ERICH3: variants seen among roughly 807,000 people sequenced by gnomAD.
ERICH3 encodes glutamate-rich protein 3.
In ERICH3, 126 loss-of-function variants were observed where a neutral mutation model predicts 131.1. The ratio of observed to expected loss-of-function variants is 0.96; its 90% CI spans 0.83 to 1.11. The LOEUF (loss-of-function observed/expected upper bound fraction) is 1.11. Ranked by LOEUF, ERICH3 falls within the 50% of genes most tolerant of loss-of-function variation. The probability of loss-of-function intolerance (pLI) is 0.00; values close to 1 mark genes in which losing one functional copy is unlikely to be tolerated. For synonymous variants in ERICH3, 695 were observed against 644.6 expected (o/e 1.08, Z -1.18); for missense variants, 2,050 against 1,810.7 (o/e 1.13, Z -2.40).
In ERICH3 at chr1:74,572,842, T is replaced by C. The variant is rs1646981146; in HGVS notation, c.2868A>G (p.Thr956=). Residue 956 remains threonine, a synonymous_variant, in exon 14 of 15, where the codon ACA becomes ACG. Coordinates refer to ENST00000326665, the MANE Select transcript of ERICH3 (RefSeq NM_001002912.5). ...EEEASIDLED[T]GPMEDTASKR... ...TTGATGCTGTGTCCTCCATGGGTCC[T>C]GTGTCCTCTAGGTCTATGGATGCTT... 1.9e-6 allele frequency: 3 copies of C among 1,613,784 alleles called. No homozygotes were observed. Among genetic ancestry groups the C allele is most frequent in the Non-Finnish European group, 2.5e-6 (3 of 1,180,028 alleles).
chr1:74,610,482 C>G (rs1008750767), intron 9 of ERICH3, among the ~76,000 whole-genome samples: 2 of 150,586 alleles, frequency 1.3e-5, no homozygotes, highest in Non-Finnish European at 3.0e-5. Flanking sequence ...TCCTACATCT[C>G]ATCTTCTCCA....
chr1:74,637,136 C>G (rs146770523), intron 5 of ERICH3, among the ~76,000 whole-genome samples: 2 of 152,164 alleles, frequency 1.3e-5, no homozygotes, highest in Non-Finnish European at 2.9e-5. Context: ...TCACTCCTTT[C>G]GGGACTACAC....
chr1:74,618,147 G>T (rs530157973), intron 8 of ERICH3, among the ~76,000 whole-genome samples: 1 of 152,162 alleles, frequency 6.6e-6, no homozygotes, highest in Non-Finnish European at 1.5e-5. Context: ...GGGTGAGAGA[G>T]AGACTGTCTC....
chr1:74,673,730 T>G lies in ERICH3; in HGVS notation c.-211A>C. On this transcript the variant is annotated 5_prime_UTR_variant, in exon 1 of 15. Coordinates refer to ENST00000326665, the MANE Select transcript of ERICH3 (RefSeq NM_001002912.5). ...CCCACCCTCCGTTGGTATCCACAGC[T>G]TCCCTGTTGCTAAGGGAGGAGAGAG... 2.3e-6 allele frequency: 1 copy of G among 428,134 alleles called. No individual in the cohort carries two copies. The highest frequency in any genetic ancestry group is 4.5e-5 in the Admixed American group (1 of 22,004). The allele number at this position is 428,134 out of a possible 1,614,324, so 26.5% of individuals were successfully genotyped here. A position where few individuals can be genotyped will look rare whatever the true frequency, so the allele number is the denominator to read the frequency against.
intron 10 of ERICH3, among the ~76,000 whole-genome samples, chr1:74,604,546 T>G (rs1236405166): frequency 6.6e-6 from 1 of 151,926 alleles, no homozygotes; most frequent in Non-Finnish European, 1.5e-5. Flanking sequence ...GAATAAGATC[T>G]AAAATTACTC....
chr1:74,638,649 T>G (rs1263046287), intron 5 of ERICH3, among the ~76,000 whole-genome samples: 1 of 152,214 alleles, frequency 6.6e-6, no homozygotes, highest in Non-Finnish European at 1.5e-5. Context: ...AAAGATGACA[T>G]TTCCCAGCAT....
chr1:74,644,659 C>T (rs139124416), intron 3 of ERICH3, among the ~76,000 whole-genome samples: 1 of 152,186 alleles, frequency 6.6e-6, no homozygotes, highest in African/African-American at 2.4e-5. Flanking sequence ...TCTCCCACTT[C>T]AGCTTCTCTG....
chr1:74,581,652 G>C (rs545256381), intron 12 of ERICH3, among the ~76,000 whole-genome samples: 5 of 152,208 alleles, frequency 3.3e-5, no homozygotes, highest in Admixed American at 6.5e-5. Context: ...TATAAAAAAG[G>C]CACATGGAGA....
At chr1:74,585,448 G>T (rs1176574059) in intron 12 of ERICH3, among the ~76,000 whole-genome samples, 1 of 152,086 alleles carries the variant, frequency 6.6e-6, no homozygotes, top group Non-Finnish European at 1.5e-5. Flanking sequence ...ATCATTTTAT[G>T]CAATCAACCT....
chr1:74,610,258 A>T (rs1321444475), intron 9 of ERICH3, among the ~76,000 whole-genome samples: 1 of 151,626 alleles, frequency 6.6e-6, no homozygotes, highest in African/African-American at 2.4e-5. Flanking sequence ...TATCTCTCTG[A>T]AAACACCCAA....
At chr1:74,616,036 C>T (rs1648947114) in intron 8 of ERICH3, among the ~76,000 whole-genome samples, 1 of 152,052 alleles carries the variant, frequency 6.6e-6, no homozygotes, top group Non-Finnish European at 1.5e-5. Context: ...GATTCTTGTT[C>T]TGTCGCCCAG....
In ERICH3 at chr1:74,661,199, G is replaced by A. The variant is rs562045817; in HGVS notation, c.24-11884C>T. On this transcript the variant is annotated intron_variant, in intron 1 of 14. Coordinates refer to ENST00000326665, the MANE Select transcript of ERICH3 (RefSeq NM_001002912.5). ...TGACATCTGGGCAAAGGTTAAAGAG[G>A]TTGACTAAATTTTAAATGCTCAGCC... Among the ~76,000 whole-genome samples, 6 of 152,122 alleles carry A rather than the reference G, an allele frequency of 3.9e-5. No homozygotes were observed. The South Asian group carries it at 1.3e-3, about 32-fold the overall frequency.
intron 10 of ERICH3, among the ~76,000 whole-genome samples, chr1:74,601,622 G>A (rs918520789): frequency 9.2e-5 from 14 of 151,836 alleles, no homozygotes; most frequent in Non-Finnish European, 1.9e-4. Context: ...CTTCCCAAAA[G>A]AGGAAGGTAA....
chr1:74,579,929 C>G, intron 12 of ERICH3: 1 of 960,080 alleles, frequency 1.0e-6, no homozygotes. Context: ...TTTTTTCACT[C>G]AAATGATATA....
At chr1:74,631,148 A>G (rs1646328593) in intron 7 of ERICH3, among the ~76,000 whole-genome samples, 1 of 152,142 alleles carries the variant, frequency 6.6e-6, no homozygotes, top group Non-Finnish European at 1.5e-5. Flanking sequence ...TATATTTAAC[A>G]TAATAAAAAT....
In ERICH3 at chr1:74,571,262, T is replaced by G. The variant is rs1321151369; in HGVS notation, c.4448A>C (p.Glu1483Ala). The G allele has an allele frequency of 6.2e-7, 1 of 1,613,896 alleles. No homozygotes were observed. The highest frequency in any genetic ancestry group is 1.3e-5 in the African/African-American group (1 of 74,862). The change falls in exon 14 of 15, where the codon GAG becomes GCG. Residue 1483 changes from glutamate (E) to alanine (A), a missense_variant. By Grantham distance (107) the Glu-to-Ala change is moderately radical. Coordinates refer to ENST00000326665, the MANE Select transcript of ERICH3 (RefSeq NM_001002912.5). ...TAGACTCTCCGGACTCAATTCCCTC[T>G]CTCCCTCCCGTGATAATCCTAATCG... The part of the protein sequence containing the change: ...KFRLGLSREG[E>A]RELSPESLQA...
chr1:74,663,622 TAA>T (rs75939047), intron 1 of ERICH3, among the ~76,000 whole-genome samples: 18,553 of 131,736 alleles, frequency 0.14, 1,385 homozygotes, highest in South Asian at 0.31. Context: ...TGATTTTTGT[TAA>T]AAAAAAAAAA....
chr1:74,653,568 A>G (rs1449234677), intron 1 of ERICH3, among the ~76,000 whole-genome samples: 1 of 152,080 alleles, frequency 6.6e-6, no homozygotes, highest in Admixed American at 6.6e-5. Context: ...TCCATATTCC[A>G]TTTTGCAGAT....
rs757559200 is a variant in ERICH3, at chr1:74,571,911, C to G, written c.3799G>C (p.Val1267Leu). 6.2e-7 allele frequency: 1 copy of G among 1,612,586 alleles called. No homozygotes were observed. The highest frequency in any genetic ancestry group is 1.7e-5 in the Admixed American group (1 of 60,022). ...RAEGQGGVDV[V>L]LRTQEAVAEE... ...GCAACAGCTTCCTGGGTCCTTAGCA[C>G]GACATCCACTCCTCCTTGCCCTTCA... Residue 1267 changes from valine (V) to leucine (L), a missense_variant, in exon 14 of 15, where the codon GTG becomes CTG. Coordinates refer to ENST00000326665, the MANE Select transcript of ERICH3 (RefSeq NM_001002912.5).
Sources: allele counts gnomAD v4.1 joint callset (sites outside exome capture counted in the v4.1 genomes callset), GRCh38; gene constraint gnomAD v4.1.1; transcripts MANE v1.5; gene names NCBI Gene and HGNC (gene_info 2026-07-23, HGNC 2026-07-21).